The following CADPS2 variants were observed in gnomAD, a reference collection of about 807,000 sequenced individuals.
CADPS2 encodes the protein calcium-dependent secretion activator 2.
Under a neutral mutation model 172.5 loss-of-function variants are expected in CADPS2, and 93 were observed. The ratio of observed to expected loss-of-function variants is 0.54; its 90% CI spans 0.46 to 0.64. The LOEUF is 0.64. CADPS2 is among the 30% of genes least tolerant of loss of function. The pLI is 0.00. For synonymous variants in CADPS2, 546 were observed against 555.2 expected, an observed-to-expected ratio of 0.98 and a Z score of 0.23; for missense variants, 1,420 against 1,565.9, an observed-to-expected ratio of 0.91 and a Z score of 1.57.
chr7:122,670,511 T>A (rs544841367), intron 2 of CADPS2, among the ~76,000 whole-genome samples: 1 of 151,978 alleles, frequency 6.6e-6, no homozygotes, highest in East Asian at 2.0e-4. Context: ...TTCTTTTTTT[T>A]TTTTGAGATG....
intron 1 of CADPS2, among the ~76,000 whole-genome samples, chr7:122,838,013 T>C (rs1215749503): frequency 6.6e-6 from 1 of 152,188 alleles, no homozygotes; most frequent in Non-Finnish European, 1.5e-5. Flanking sequence ...TGATGAATAT[T>C]GATGCAAAAA....
chr7:122,846,617 A>C (rs1265223812), intron 1 of CADPS2, among the ~76,000 whole-genome samples: 2 of 152,226 alleles, frequency 1.3e-5, no homozygotes, highest in African/African-American at 4.8e-5. Context: ...CAACTCTTTA[A>C]ATATAGGAGC....
chr7:122,344,509 T>C (rs2037268525), intron 28 of CADPS2, among the ~76,000 whole-genome samples: 1 of 152,314 alleles, frequency 6.6e-6, no homozygotes, highest in East Asian at 1.9e-4. Flanking sequence ...TTAGGCATTG[T>C]CATGCCTAAA....
chr7:122,382,641 A>G (rs907112211), intron 24 of CADPS2, among the ~76,000 whole-genome samples: 2 of 152,058 alleles, frequency 1.3e-5, no homozygotes, highest in African/African-American at 4.8e-5. Context: ...TAATGTTTCC[A>G]ACAATAAAAA....
chr7:122,526,994 CA>C (rs893420873), intron 8 of CADPS2, among the ~76,000 whole-genome samples: 1 of 151,988 alleles, frequency 6.6e-6, no homozygotes, highest in Admixed American at 6.6e-5. Context: ...TCATTAGGAA[CA>C]ATTGTAATAA....
intron 20 of CADPS2, among the ~76,000 whole-genome samples, chr7:122,403,936 A>G (rs2046284864): frequency 6.6e-6 from 1 of 152,234 alleles, no homozygotes; most frequent in Non-Finnish European, 1.5e-5. Flanking sequence ...AATATTTTGA[A>G]TAAGTTAAAA....
chr7:122,582,049 T>C (rs971221082), intron 6 of CADPS2, among the ~76,000 whole-genome samples: 7 of 151,964 alleles, frequency 4.6e-5, no homozygotes, highest in African/African-American at 1.4e-4. Context: ...TCAATATTTC[T>C]CACAACTCTG....
intron 25 of CADPS2, among the ~76,000 whole-genome samples, chr7:122,371,034 T>C (rs1252193621): frequency 6.6e-6 from 1 of 152,150 alleles, no homozygotes; most frequent in Non-Finnish European, 1.5e-5. Flanking sequence ...TCTCAAACAC[T>C]ACATCCTGAA....
At chr7:122,872,791 A>G (rs546818134) in intron 1 of CADPS2, among the ~76,000 whole-genome samples, 15 of 152,232 alleles carry the variant, frequency 9.9e-5, no homozygotes, top group African/African-American at 3.6e-4. Context: ...TCTAATAAAA[A>G]ATTCCATGCA....
chr7:122,325,834 G>A (rs1006807745), intron 28 of CADPS2, among the ~76,000 whole-genome samples: 10 of 151,946 alleles, frequency 6.6e-5, no homozygotes, highest in African/African-American at 4.8e-5. Flanking sequence ...ACATATTCAC[G>A]GAAACAGTGT....
intron 7 of CADPS2, among the ~76,000 whole-genome samples, chr7:122,579,378 T>A (rs1384673052): frequency 6.6e-6 from 1 of 150,458 alleles, no homozygotes; most frequent in Non-Finnish European, 1.5e-5. Flanking sequence ...CTGTAATAGA[T>A]AGAAAAGTTG....
chr7:122,701,894 T>A (rs2086161508), intron 2 of CADPS2: 1 of 1,613,544 alleles, frequency 6.2e-7, no homozygotes, highest in African/African-American at 1.3e-5. Flanking sequence ...AAGCCAGGGG[T>A]CAATGCATGC....
intron 5 of CADPS2, among the ~76,000 whole-genome samples, chr7:122,618,043 CAA>C (rs35600638): frequency 6.9e-6 from 1 of 145,654 alleles, no homozygotes; most frequent in Non-Finnish European, 1.5e-5. Flanking sequence ...GATTCCATCT[CAA>C]AAAAAAAAAA....
chr7:122,772,964 A>T (rs2093748726), intron 1 of CADPS2, among the ~76,000 whole-genome samples: 1 of 152,154 alleles, frequency 6.6e-6, no homozygotes, highest in African/African-American at 2.4e-5. Flanking sequence ...TAGATTCTCA[A>T]GAAAATTGAA....
chr7:122,812,410 G>GA lies in CADPS2; in HGVS notation c.339+73588dup, dbSNP rs61331991. 5.0e-3 allele frequency among the ~76,000 whole-genome samples: 662 copies of GA among 132,368 alleles called. 1 individual carries two copies. Among genetic ancestry groups the GA allele is most frequent in the African/African-American group, 1.0e-2 (364 of 36,492 alleles). 86.8% of individuals were successfully genotyped at this position (132,368 alleles called of 152,430 possible). A position where few individuals can be genotyped will look rare whatever the true frequency, so the allele number is the denominator to read the frequency against. ...CATAACCATTAAAAACACTTGTTTG[G>GA]AAAAAAAAAAAAGAGAGAGAGAGAG... On this transcript the variant is annotated intron_variant, in intron 1 of 29. Coordinates refer to ENST00000449022, the MANE Select transcript of CADPS2 (RefSeq NM_017954.11).
At chr7:122,783,662 C>G (rs919543672) in intron 1 of CADPS2, among the ~76,000 whole-genome samples, 4 of 152,196 alleles carry the variant, frequency 2.6e-5, no homozygotes, top group Admixed American at 2.6e-4. Flanking sequence ...GCTAGTGAGA[C>G]CCACATTTAT....
At chr7:122,783,939 C>T (rs34288982) in intron 1 of CADPS2, among the ~76,000 whole-genome samples, 3 of 152,144 alleles carry the variant, frequency 2.0e-5, no homozygotes, top group Non-Finnish European at 2.9e-5. Flanking sequence ...AGAGGGCTTG[C>T]GGCTATTACT....
intron 2 of CADPS2, among the ~76,000 whole-genome samples, chr7:122,674,282 G>A (rs957415874): frequency 9.2e-5 from 14 of 152,326 alleles, no homozygotes; most frequent in African/African-American, 1.4e-4. Context: ...CTCCCACAGC[G>A]CAGCGGTGGG....
intron 29 of CADPS2, among the ~76,000 whole-genome samples, chr7:122,321,053 T>C (rs1218461370): frequency 6.6e-6 from 1 of 152,330 alleles, no homozygotes; most frequent in East Asian, 1.9e-4. Flanking sequence ...TAGAGTACCA[T>C]GTTATTGTTT....
Sources: gnomAD v4.1 joint callset for allele counts (sites outside exome capture counted in the v4.1 genomes callset) on GRCh38, gnomAD v4.1.1 for gene constraint, MANE v1.5 for transcripts, NCBI Gene and HGNC (gene_info 2026-07-23, HGNC 2026-07-21) for gene names.